Variants in EXOC4 observed in about 807,000 individuals in gnomAD.
The protein encoded by EXOC4 is SEC8-like 1.
EXOC4 carries 71 observed loss-of-function variants against 107.2 expected under a neutral mutation model. The ratio of observed to expected loss-of-function variants is 0.66; its 90% CI spans 0.55 to 0.81. EXOC4 has a LOEUF of 0.81. Ranked by LOEUF, EXOC4 falls within the 30% of genes least tolerant of loss-of-function variation. The pLI is 0.00. For synonymous variants in EXOC4, 456 were observed against 441.2 expected, an observed-to-expected ratio of 1.03 and a Z score of -0.42; for missense variants, 1,108 against 1,189.6, an observed-to-expected ratio of 0.93 and a Z score of 1.01.
chr7:133,785,899 G>C (rs1796559957), intron 10 of EXOC4, among the ~76,000 whole-genome samples: 1 of 152,106 alleles, frequency 6.6e-6, no homozygotes, highest in Non-Finnish European at 1.5e-5. Flanking sequence ...TTGATCTCCT[G>C]ACCTCATGAT....
chr7:133,973,250 A>G (rs567021719), intron 14 of EXOC4, among the ~76,000 whole-genome samples: 13 of 152,322 alleles, frequency 8.5e-5, no homozygotes, highest in African/African-American at 3.1e-4. Flanking sequence ...AGCACAACAT[A>G]TAATTGGAAT....
chr7:133,652,523 C>T (rs1803186414), intron 10 of EXOC4, among the ~76,000 whole-genome samples: 1 of 151,954 alleles, frequency 6.6e-6, no homozygotes. Context: ...GAGTTTCCCC[C>T]TTGCCCAGTG....
At chr7:133,279,394 G>T (rs914529702) in intron 2 of EXOC4, among the ~76,000 whole-genome samples, 4 of 152,156 alleles carry the variant, frequency 2.6e-5, no homozygotes, top group Non-Finnish European at 5.9e-5. Flanking sequence ...GAATCATGAT[G>T]TGGCTAACAT....
chr7:133,997,569 G>A lies in EXOC4; in HGVS notation c.2284G>A (p.Glu762Lys). The A allele has an allele frequency of 2.5e-6, 4 of 1,613,724 alleles. No homozygotes were observed. Among genetic ancestry groups the A allele is most frequent in the Non-Finnish European group, 3.4e-6 (4 of 1,179,798 alleles). ...AGAGCAGATCATGCAGACTCTCAGTGAACTTGCCAAATCGTTCCAGGATAT... is the reference window on the plus strand; with the variant it reads ...AGAGCAGATCATGCAGACTCTCAGTAAACTTGCCAAATCGTTCCAGGATAT... ...VSEQIMQTLS[E>K]LAKSFQDMAD... is the part of the protein sequence containing the mutation. Residue 762 changes from glutamate to lysine, a missense_variant, in exon 15 of 18, where the codon GAA becomes AAA. Coordinates refer to ENST00000253861, the MANE Select transcript of EXOC4 (RefSeq NM_021807.4).
chr7:133,992,872 A>G (rs1178242273), intron 14 of EXOC4, among the ~76,000 whole-genome samples: 1 of 151,346 alleles, frequency 6.6e-6, no homozygotes, highest in Non-Finnish European at 1.5e-5. Flanking sequence ...CATTCAGTAT[A>G]TTAGCTGTGG....
intron 9 of EXOC4, chr7:133,576,840 A>G (rs1030243462): frequency 5.7e-5 from 73 of 1,289,564 alleles, no homozygotes; most frequent in Middle Eastern, 2.1e-4. Context: ...TTTAGGGCCA[A>G]TTAATTCATC....
chr7:134,020,575 T>C (rs981973980), intron 17 of EXOC4, among the ~76,000 whole-genome samples: 1 of 152,258 alleles, frequency 6.6e-6, no homozygotes, highest in African/African-American at 2.4e-5. Context: ...AGTCGGGTTG[T>C]ATTCTTGGAA....
intron 7 of EXOC4, among the ~76,000 whole-genome samples, chr7:133,443,420 G>T (rs1009495005): frequency 6.6e-6 from 1 of 152,154 alleles, no homozygotes; most frequent in African/African-American, 2.4e-5. Flanking sequence ...GATAGCCTTG[G>T]ATGGAGTCAG....
intron 9 of EXOC4, among the ~76,000 whole-genome samples, chr7:133,504,105 G>A (rs922241062): frequency 1.9e-4 from 29 of 152,118 alleles, no homozygotes; most frequent in Admixed American, 1.6e-3. Flanking sequence ...GGAAAACAAT[G>A]TAACAACTTT....
intron 17 of EXOC4, among the ~76,000 whole-genome samples, chr7:134,034,568 C>G (rs1795345255): frequency 2.6e-5 from 4 of 152,156 alleles, no homozygotes; most frequent in Admixed American, 2.6e-4. Flanking sequence ...AGCTCTTCCC[C>G]CTTCGATCAG....
intron 7 of EXOC4, among the ~76,000 whole-genome samples, chr7:133,423,717 C>T (rs1394748406): frequency 2.0e-5 from 3 of 152,300 alleles, no homozygotes; most frequent in East Asian, 1.9e-4. Context: ...AGGCTGAAGC[C>T]GGCTTCCTCT....
Position 133,855,130 on chromosome 7 carries a change from T to TATATATATAA in EXOC4, c.1734+37595_1734+37596insAATATATATA, listed in dbSNP as rs1563028615. On this transcript the variant is annotated intron_variant, in intron 11 of 17. Transcript: ENST00000253861. Reference sequence around the variant, plus strand: ...ATATATATAAATATATATATATAAATATATATATATATAAATATATATATA... The same window carrying TATATATATAA: ...ATATATATAAATATATATATATAAATATATATATAAATATATATATATAAATATATATATA... 4.2e-4 allele frequency among the ~76,000 whole-genome samples: 44 copies of TATATATATAA among 105,898 alleles called. 1 individual carries two copies. Among genetic ancestry groups the TATATATATAA allele is most frequent in the Middle Eastern group, 9.3e-3 (2 of 216 alleles). 69.5% of individuals were successfully genotyped at this position (105,898 alleles called of 152,430 possible).
At chr7:133,255,834 G>A (rs562609214) in intron 1 of EXOC4, among the ~76,000 whole-genome samples, 3 of 152,154 alleles carry the variant, frequency 2.0e-5, no homozygotes, top group Non-Finnish European at 2.9e-5. Context: ...GATGGGGAAT[G>A]GGGGGAGAGT....
At chr7:133,761,592 TG>T (rs1212522784) in intron 10 of EXOC4, among the ~76,000 whole-genome samples, 2 of 152,290 alleles carry the variant, frequency 1.3e-5, no homozygotes, top group East Asian at 3.9e-4. Context: ...CGGCTGGCTT[TG>T]GCAACAGACC....
At chr7:133,417,762 C>T (rs1797512096) in intron 7 of EXOC4, among the ~76,000 whole-genome samples, 1 of 151,982 alleles carries the variant, frequency 6.6e-6, no homozygotes. Flanking sequence ...GGTTTTTTTA[C>T]CCTCATTTAA....
At chr7:133,490,620 A>T (rs1268296291) in intron 9 of EXOC4, among the ~76,000 whole-genome samples, 5 of 152,166 alleles carry the variant, frequency 3.3e-5, no homozygotes, top group African/African-American at 1.2e-4. Context: ...CAGTTTATAT[A>T]TACAGATTTT....
the EXOC4 span, among the ~76,000 whole-genome samples, chr7:134,100,684 G>A: frequency 7.6e-6 from 1 of 131,170 alleles, no homozygotes; most frequent in African/African-American, 2.6e-5. Context: ...GGTGGCTCAC[G>A]CATGTAATCC....
chr7:133,439,766 A>G (rs543976549), intron 7 of EXOC4, among the ~76,000 whole-genome samples: 15 of 152,068 alleles, frequency 9.9e-5, no homozygotes, highest in Non-Finnish European at 2.1e-4. Flanking sequence ...AGAAGCAAAG[A>G]TGTAGGAGGA....
chr7:133,803,370 T>A (rs1796993577), intron 10 of EXOC4, among the ~76,000 whole-genome samples: 1 of 152,228 alleles, frequency 6.6e-6, no homozygotes, highest in Non-Finnish European at 1.5e-5. Flanking sequence ...TTTTTAAATG[T>A]ACAAACCATT....
Sources: allele counts gnomAD v4.1 joint callset (sites outside exome capture counted in the v4.1 genomes callset), GRCh38; gene constraint gnomAD v4.1.1; transcripts MANE v1.5; gene names NCBI Gene and HGNC (gene_info 2026-07-23, HGNC 2026-07-21).